The following PDZD2 variants were observed in gnomAD, a reference collection of about 807,000 sequenced individuals.
The protein encoded by PDZD2 is PDZ domain-containing protein 2.
A neutral mutation model predicts 220.7 loss-of-function variants in PDZD2; 90 were observed. The observed-to-expected ratio is 0.41, with a 90% CI of 0.34 to 0.49. The LOEUF is 0.49. PDZD2 is among the 20% of genes least tolerant of loss of function. PDZD2 has a pLI of 0.28. For synonymous variants in PDZD2, 1,375 were observed against 1,450.5 expected (o/e 0.95, Z 1.18); for missense variants, 3,174 against 3,608.5 (o/e 0.88, Z 3.08).
chr5:32,034,066 A>G (rs1755334059), intron 6 of PDZD2, among the ~76,000 whole-genome samples: 2 of 152,268 alleles, frequency 1.3e-5, no homozygotes, highest in African/African-American at 2.4e-5. Flanking sequence ...TGCTTGTATC[A>G]TCTCCAAAAT....
chr5:32,039,662 C>T (rs1393813586), intron 7 of PDZD2, among the ~76,000 whole-genome samples: 2 of 146,500 alleles, frequency 1.4e-5, no homozygotes, highest in East Asian at 4.2e-4. Flanking sequence ...GGAAGTGAGC[C>T]TCTGCCTGGC....
chr5:31,919,707 G>A (rs142657669), intron 2 of PDZD2, among the ~76,000 whole-genome samples: 459 of 129,216 alleles, frequency 3.6e-3, no homozygotes, highest in Admixed American at 4.2e-3. Flanking sequence ...AATTGATAAA[G>A]AAAAAAAAAA....
intron 8 of PDZD2, among the ~76,000 whole-genome samples, chr5:32,051,439 G>A (rs1441657758): frequency 1.3e-5 from 2 of 152,208 alleles, no homozygotes; most frequent in Non-Finnish European, 2.9e-5. Context: ...GTGTTTGAAT[G>A]TAGTATACAC....
At chr5:31,735,911 C>T (rs1416241434) in intron 1 of PDZD2, among the ~76,000 whole-genome samples, 1 of 152,184 alleles carries the variant, frequency 6.6e-6, no homozygotes, top group African/African-American at 2.4e-5. Flanking sequence ...CACCACTGCA[C>T]TCCAGCCTGC....
At chr5:31,785,260 C>T (rs983909665) in intron 1 of PDZD2, among the ~76,000 whole-genome samples, 9 of 151,732 alleles carry the variant, frequency 5.9e-5, no homozygotes, top group Non-Finnish European at 8.8e-5. Flanking sequence ...TTCATGTTTC[C>T]GAGCCTTAGA....
Position 31,762,596 on chromosome 5 carries a change from C to T in PDZD2, c.-360-36293C>T, listed in dbSNP as rs554448733. On this transcript the variant is annotated intron_variant, in intron 1 of 24. Coordinates refer to ENST00000438447, the MANE Select transcript of PDZD2 (RefSeq NM_178140.4). The stretch of plus-strand genomic sequence containing the variant: ...AGTCACCACTCCTGGCTCCTATGGG[C>T]ACTTCTTATGCTAGCACAGGCCTTG... Among the ~76,000 whole-genome samples the T allele has an allele frequency of 9.8e-5, 15 of 152,286 alleles. No individual in the cohort carries two copies. The South Asian group carries it at 1.5e-3, about 15-fold the overall frequency.
At chr5:32,053,054 A>C (rs1377490545) in intron 9 of PDZD2, among the ~76,000 whole-genome samples, 1 of 152,232 alleles carries the variant, frequency 6.6e-6, no homozygotes, top group East Asian at 1.9e-4. Context: ...AGGACCGCTA[A>C]AGTGGCCTCT....
chr5:32,008,412 C>G (rs1000319057), intron 5 of PDZD2, among the ~76,000 whole-genome samples: 1 of 151,610 alleles, frequency 6.6e-6, no homozygotes, highest in African/African-American at 2.4e-5. Flanking sequence ...CCCCAAGTAG[C>G]TGGGATTACA....
At chr5:31,779,372 T>C (rs946004916) in intron 1 of PDZD2, among the ~76,000 whole-genome samples, 12 of 125,230 alleles carry the variant, frequency 9.6e-5, no homozygotes, top group African/African-American at 3.4e-4. Flanking sequence ...ATTGTGAATC[T>C]CTTTTTTTTT....
At chr5:31,901,035 G>C (rs1192024366) in intron 2 of PDZD2, among the ~76,000 whole-genome samples, 1 of 152,160 alleles carries the variant, frequency 6.6e-6, no homozygotes, top group African/African-American at 2.4e-5. Flanking sequence ...AGGGGAAGGG[G>C]AGTTGGAGGC....
At chr5:32,052,512 G>T in intron 8 of PDZD2, 99 bp from the exon 9 acceptor site, 1 of 1,079,780 alleles carries the variant, frequency 9.3e-7, no homozygotes, top group Non-Finnish European at 1.4e-6. Context: ...TAGTACTGAA[G>T]ACATCTAAGA....
intron 7 of PDZD2, among the ~76,000 whole-genome samples, chr5:32,039,332 C>T (rs908579530): frequency 2.0e-5 from 3 of 151,882 alleles, no homozygotes; most frequent in African/African-American, 7.2e-5. Context: ...GTCTCCAGCT[C>T]CTGGCCTCAG....
intron 6 of PDZD2, among the ~76,000 whole-genome samples, chr5:32,015,489 C>T (rs951878803): frequency 5.3e-5 from 8 of 152,120 alleles, no homozygotes; most frequent in Admixed American, 2.6e-4. Context: ...TGGCCTCAAG[C>T]GATCCTCCCA....
intron 1 of PDZD2, among the ~76,000 whole-genome samples, chr5:31,778,507 G>A (rs1214409317): frequency 3.3e-5 from 5 of 151,736 alleles, no homozygotes; most frequent in Admixed American, 6.6e-5. Context: ...TGGACGGGAG[G>A]AACGAACAAC....
intron 2 of PDZD2, chr5:31,847,531 G>A: frequency 1.5e-6 from 1 of 681,374 alleles, no homozygotes; most frequent in Admixed American, 1.8e-5. Flanking sequence ...TTGGTGTGAA[G>A]GTTGGCTGAC....
intron 1 of PDZD2, among the ~76,000 whole-genome samples, chr5:31,641,460 G>GCTAAGGACTCAGAGGAA (rs770985468): frequency 9.2e-5 from 14 of 152,218 alleles, no homozygotes; most frequent in Admixed American, 2.0e-4. Flanking sequence ...AGGACTCAGT[G>GCTAAGGACTCAGAGGAA]CTAAGGACTC....
Position 31,777,424 on chromosome 5 carries a change from C to T in PDZD2, c.-360-21465C>T, listed in dbSNP as rs963632830. ...CCCACCCCGTGGGCTCCCACGTGTC[C>T]GGAGCCTCCCCGACGGGCGCCGCCC... On this transcript the variant is annotated intron_variant, in intron 1 of 24. Coordinates refer to ENST00000438447, the MANE Select transcript of PDZD2 (RefSeq NM_178140.4). Among the ~76,000 whole-genome samples, 18 of 152,288 alleles carry T rather than the reference C, an allele frequency of 1.2e-4. No individual in the cohort carries two copies. The South Asian group carries it at 1.4e-3, about 12-fold the overall frequency.
Position 32,091,139 on chromosome 5 carries a change from C to A in PDZD2, c.7691C>A (p.Ala2564Asp). The change falls in exon 20 of 25, where the codon GCC (alanine) becomes GAC (aspartate). Residue 2564 changes from alanine to aspartate, a missense_variant. Physicochemically the swap from Ala to Asp is moderately radical, Grantham distance 126. Transcript: ENST00000438447. Reference sequence around the variant, plus strand: ...TCAGCCAGTGATACGGGTGAAGCTGCCCAGGATCTGCCTTTTAGAAGAAGC... The same window carrying A: ...TCAGCCAGTGATACGGGTGAAGCTGACCAGGATCTGCCTTTTAGAAGAAGC... ...PSSASDTGEA[A>D]QDLPFRRSWS... 1 of 1,583,900 alleles carries A rather than the reference C, an allele frequency of 6.3e-7. No homozygotes were observed. Among genetic ancestry groups the A allele is most frequent in the Non-Finnish European group, 8.6e-7 (1 of 1,158,546 alleles).
chr5:32,071,268 A>G, intron 15 of PDZD2, 116 bp from the exon 16 acceptor site: 2 of 790,284 alleles, frequency 2.5e-6, no homozygotes, highest in Non-Finnish European at 4.6e-6. Flanking sequence ...CCCGTCATCA[A>G]GCAAAGGGAG....
Sources: allele counts gnomAD v4.1 joint callset (sites outside exome capture counted in the v4.1 genomes callset), GRCh38; gene constraint gnomAD v4.1.1; transcripts MANE v1.5; gene names NCBI Gene and HGNC (gene_info 2026-07-23, HGNC 2026-07-21).